MYCT1: variants seen among roughly 807,000 people sequenced by gnomAD.
MYCT1 encodes the protein myc target protein 1.
In MYCT1, 12 loss-of-function variants were observed where a neutral mutation model predicts 15.0. The ratio of observed to expected loss-of-function variants is 0.80; its 90% confidence interval spans 0.51 to 1.29. The LOEUF (loss-of-function observed/expected upper bound fraction) is 1.29. MYCT1 is among the 50% of genes most tolerant of loss of function. The pLI is 0.00. For synonymous variants in MYCT1, 104 were observed against 102.7 expected (o/e 1.01, Z -0.07); for missense variants, 287 against 279.1 (o/e 1.03, Z -0.20).
rs2099724879 is a variant in MYCT1, at chr6:152,722,401, A to G, written c.*148A>G. ...ATGGTTGTGCAAGTTGGACATTACA[A>G]TGTAAAACACATTTTCTTCAAACAC... is the stretch of plus-strand genomic sequence containing the variant. On this transcript the variant is annotated 3_prime_UTR_variant, in exon 2 of 2. Transcript: ENST00000367245. 1.4e-6 allele frequency: 1 copy of G among 713,482 alleles called. No individual in the cohort carries two copies. Among genetic ancestry groups the G allele is most frequent in the Non-Finnish European group, 2.2e-6 (1 of 454,976 alleles). The allele number at this position is 713,482 out of a possible 1,614,324, so 44.2% of individuals were successfully genotyped here. A position where few individuals can be genotyped will look rare whatever the true frequency, so the allele number is the denominator to read the frequency against.
intron 1 of MYCT1, among the ~76,000 whole-genome samples, chr6:152,715,016 G>A (rs1048069543): frequency 6.6e-6 from 1 of 151,998 alleles, no homozygotes; most frequent in African/African-American, 2.4e-5. Context: ...ATTCTGGGAT[G>A]TTTCCTAGGG....
At chr6:152,725,028 G>A (rs973611615), downstream of MYCT1, among the ~76,000 whole-genome samples, 2 of 151,864 alleles carry the variant, frequency 1.3e-5, no homozygotes, top group Non-Finnish European at 2.9e-5. Context: ...TGAAATAAAT[G>A]TTTAGCAAAT....
chr6:152,706,039 T>C, intron 1 of MYCT1: 1 of 1,095,322 alleles, frequency 9.1e-7, no homozygotes, highest in Non-Finnish European at 1.4e-6. Context: ...GCAGAAATTG[T>C]AGTCACAAAA....
chr6:152,700,106 TAAA>T (rs1325585240), intron 1 of MYCT1, among the ~76,000 whole-genome samples: 1 of 152,132 alleles, frequency 6.6e-6, no homozygotes, highest in Non-Finnish European at 1.5e-5. Context: ...ATATGAAGTA[TAAA>T]ATGTGAATAA....
intron 1 of MYCT1, among the ~76,000 whole-genome samples, chr6:152,702,810 C>T (rs1026087446): frequency 1.2e-4 from 18 of 152,072 alleles, no homozygotes; most frequent in African/African-American, 4.3e-4. Context: ...CATTAGTTCC[C>T]CTATCTCAGT....
downstream of MYCT1, among the ~76,000 whole-genome samples, chr6:152,725,201 GAAGTT>G (rs1396662191): frequency 1.3e-4 from 20 of 152,036 alleles, no homozygotes; most frequent in East Asian, 3.9e-4. Flanking sequence ...AAAGAAGAAA[GAAGTT>G]AAGTTAATAT....
chr6:152,727,665 T>C (rs2099725904), downstream of MYCT1, among the ~76,000 whole-genome samples: 1 of 152,182 alleles, frequency 6.6e-6, no homozygotes, highest in Non-Finnish European at 1.5e-5. Flanking sequence ...AAAGGATAGA[T>C]GCAAGTTCCA....
chr6:152,714,868 A>G (rs1263366532), intron 1 of MYCT1, among the ~76,000 whole-genome samples: 1 of 151,920 alleles, frequency 6.6e-6, no homozygotes, highest in African/African-American at 2.4e-5. Context: ...ATATGTATAA[A>G]ACTTTCCTTC....
At chr6:152,712,766 A>C (rs1460560290) in intron 1 of MYCT1, among the ~76,000 whole-genome samples, 1 of 152,132 alleles carries the variant, frequency 6.6e-6, no homozygotes, top group Admixed American at 6.6e-5. Flanking sequence ...GTGTCTTATT[A>C]AAAGTGAGTA....
At chr6:152,706,982 ATATC>A (rs1472606847) in intron 1 of MYCT1, among the ~76,000 whole-genome samples, 1 of 152,070 alleles carries the variant, frequency 6.6e-6, no homozygotes, top group Non-Finnish European at 1.5e-5. Flanking sequence ...GGAAGTGCAG[ATATC>A]TCTTAGAGAT....
At chr6:152,718,832 C>T (rs2099724201) in intron 1 of MYCT1, among the ~76,000 whole-genome samples, 1 of 151,956 alleles carries the variant, frequency 6.6e-6, no homozygotes, top group African/African-American at 2.4e-5. Context: ...TCTCTTTTTA[C>T]ATTTTATCTA....
At chr6:152,720,091 G>T (rs996717524) in intron 1 of MYCT1, among the ~76,000 whole-genome samples, 1 of 151,752 alleles carries the variant, frequency 6.6e-6, no homozygotes, top group African/African-American at 2.4e-5. Context: ...ACAGTCATTT[G>T]GTGAGTTGAC....
intron 1 of MYCT1, among the ~76,000 whole-genome samples, chr6:152,713,379 T>C (rs1299936664): frequency 6.6e-6 from 1 of 152,146 alleles, no homozygotes; most frequent in Non-Finnish European, 1.5e-5. Context: ...GTCTGGATCA[T>C]CTTAAAGTTT....
chr6:152,697,937 A>T lies in MYCT1; in HGVS notation c.35A>T (p.Asn12Ile). Reference protein sequence around the residue: ...RTQVYEGLCKNYFSLAVLQRD... With the variant: ...RTQVYEGLCKIYFSLAVLQRD... The stretch of plus-strand genomic sequence containing the variant: ...CAAGTATATGAGGGGTTGTGTAAAA[A>T]TTATTTTTCTCTTGCTGTACTACAA... The change falls in exon 1 of 2, where the codon AAT (asparagine) becomes ATT (isoleucine). Residue 12 changes from asparagine to isoleucine, a missense_variant. Physicochemically the swap from Asn to Ile is moderately radical, Grantham distance 149. Coordinates refer to ENST00000367245, the MANE Select transcript of MYCT1 (RefSeq NM_025107.3). 1 of 1,601,528 alleles carries T rather than the reference A, an allele frequency of 6.2e-7. No homozygotes were observed. The highest frequency in any genetic ancestry group is 8.5e-7 in the Non-Finnish European group (1 of 1,175,974).
chr6:152,725,647 G>C (rs1029045996), downstream of MYCT1, among the ~76,000 whole-genome samples: 1 of 152,118 alleles, frequency 6.6e-6, no homozygotes, highest in Non-Finnish European at 1.5e-5. Flanking sequence ...GTACTAAGAA[G>C]GGAGTGCTCC....
At chr6:152,742,875 A>G in the MYCT1 span, among the ~76,000 whole-genome samples, 1 of 152,210 alleles carries the variant, frequency 6.6e-6, no homozygotes. Flanking sequence ...AGAAACTCTG[A>G]TGACTGCAAA....
the MYCT1 span, among the ~76,000 whole-genome samples, chr6:152,743,634 T>A: frequency 1.3e-5 from 2 of 152,222 alleles, no homozygotes; most frequent in African/African-American, 4.8e-5. Flanking sequence ...CATGCTCTAT[T>A]CTGTGGGTTT....
At chr6:152,729,698 T>C in the MYCT1 span, among the ~76,000 whole-genome samples, 2 of 152,208 alleles carry the variant, frequency 1.3e-5, no homozygotes, top group Non-Finnish European at 2.9e-5. Context: ...AGACTCCCCC[T>C]GCTTTATCCA....
intron 1 of MYCT1, among the ~76,000 whole-genome samples, chr6:152,700,320 G>C (rs1434242414): frequency 2.0e-5 from 3 of 151,690 alleles, no homozygotes; most frequent in Non-Finnish European, 4.4e-5. Flanking sequence ...CATTGAATTT[G>C]GAAAATAAAG....
Sources: gnomAD v4.1 joint callset for allele counts (sites outside exome capture counted in the v4.1 genomes callset) on GRCh38, gnomAD v4.1.1 for gene constraint, MANE v1.5 for transcripts, NCBI Gene and HGNC (gene_info 2026-07-23, HGNC 2026-07-21) for gene names.